The following KCNMA1 variants were observed in gnomAD, a reference collection of about 807,000 sequenced individuals.
KCNMA1 encodes the protein Calcium-activated potassium channel subunit alpha-1.
A neutral mutation model predicts 140.0 loss-of-function variants in KCNMA1; 29 were observed. That is an observed-to-expected ratio of 0.21 (90% CI 0.15 to 0.28). The LOEUF (loss-of-function observed/expected upper bound fraction) is 0.28, where lower values mean the gene tolerates loss of function less well. Among genes scored for constraint, KCNMA1 ranks in the 10% least tolerant of loss-of-function variants. KCNMA1 has a pLI of 1.00. For synonymous variants in KCNMA1, 612 were observed against 611.9 expected, an observed-to-expected ratio of 1.00 and a Z score of 0.00; for missense variants, 880 against 1,602.2, an observed-to-expected ratio of 0.55 and a Z score of 7.70.
intron 5 of KCNMA1, among the ~76,000 whole-genome samples, chr10:77,136,659 G>A (rs534266201): frequency 6.6e-6 from 1 of 151,462 alleles, no homozygotes; most frequent in Non-Finnish European, 1.5e-5. Context: ...AAAACTATAG[G>A]TATGTGTAAA....
chr10:77,218,954 T>C (rs541665843), intron 3 of KCNMA1, among the ~76,000 whole-genome samples: 17 of 152,332 alleles, frequency 1.1e-4, no homozygotes, highest in African/African-American at 3.4e-4. Flanking sequence ...CCCAAAGTGC[T>C]GGGATTACAG....
chr10:76,888,424 C>T (rs2038276898), intron 27 of KCNMA1: 1 of 152,024 alleles, frequency 6.6e-6, no homozygotes. Context: ...TTCTTCCTTC[C>T]AGACCAGTTA....
At chr10:77,401,634 A>T (rs559191959) in intron 2 of KCNMA1, among the ~76,000 whole-genome samples, 4 of 152,312 alleles carry the variant, frequency 2.6e-5, no homozygotes, top group East Asian at 1.9e-4. Flanking sequence ...CACACTTAAA[A>T]GCTCACTGCA....
At chr10:77,027,471 T>C (rs890263307) in intron 16 of KCNMA1, among the ~76,000 whole-genome samples, 1 of 152,200 alleles carries the variant, frequency 6.6e-6, no homozygotes, top group Non-Finnish European at 1.5e-5. Flanking sequence ...AGAGTCCACC[T>C]GCTTTTTTGC....
intron 2 of KCNMA1, among the ~76,000 whole-genome samples, chr10:77,319,847 C>T (rs889049832): frequency 6.6e-6 from 1 of 152,242 alleles, no homozygotes; most frequent in African/African-American, 2.4e-5. Context: ...CACCCTCCTA[C>T]TGGCCTCCTA....
intron 2 of KCNMA1, among the ~76,000 whole-genome samples, chr10:77,306,163 G>C (rs971589668): frequency 6.6e-6 from 1 of 152,234 alleles, no homozygotes; most frequent in Non-Finnish European, 1.5e-5. Context: ...GCAGGCTTCT[G>C]TGCTAGGTCT....
At chr10:76,903,623 A>C (rs1590055839) in intron 25 of KCNMA1, 1 of 152,354 alleles carries the variant, frequency 6.6e-6, no homozygotes, top group East Asian at 1.9e-4. Flanking sequence ...TGAGCAGTTG[A>C]AATGGAGGCT....
intron 1 of KCNMA1, among the ~76,000 whole-genome samples, chr10:77,591,996 A>G (rs1325684245): frequency 2.6e-5 from 4 of 151,508 alleles, no homozygotes; most frequent in African/African-American, 9.8e-5. Flanking sequence ...CTGGGAGTTC[A>G]GTCTCATTCG....
At chr10:77,288,752 T>C (rs1463254759) in intron 2 of KCNMA1, among the ~76,000 whole-genome samples, 1 of 152,240 alleles carries the variant, frequency 6.6e-6, no homozygotes, top group Non-Finnish European at 1.5e-5. Context: ...GCTATCAGTA[T>C]GGCCAATTGA....
At chr10:77,399,898 A>G (rs1332057806) in intron 2 of KCNMA1, among the ~76,000 whole-genome samples, 10 of 152,214 alleles carry the variant, frequency 6.6e-5, no homozygotes, top group Admixed American at 6.5e-4. Context: ...CTGAGGTTGT[A>G]TTGGCAAATT....
At chr10:77,171,827 G>A (rs1024294446) in intron 5 of KCNMA1, among the ~76,000 whole-genome samples, 1 of 152,150 alleles carries the variant, frequency 6.6e-6, no homozygotes, top group Non-Finnish European at 1.5e-5. Context: ...CCTGCTCTAG[G>A]AGAAACATGT....
Position 76,949,197 on chromosome 10 carries a change from T to A in KCNMA1, c.2654A>T (p.Tyr885Phe). ...KHIVFVGSIE[Y>F]LKREWETLHN... is the part of the protein sequence containing the mutation. ...AAGCGTCTCCCATTCCCGCTTGAGG[T>A]ACTCAATAGAGCCCACAAACACAAT... is the stretch of plus-strand genomic sequence containing the variant. The change falls in exon 22 of 28, where the codon TAC becomes TTC. Residue 885 changes from tyrosine (Y) to phenylalanine (F), a missense_variant. Physicochemically the swap from Tyr to Phe is conservative, Grantham distance 22. Coordinates refer to ENST00000286628, the MANE Select transcript of KCNMA1 (RefSeq NM_001161352.2). 1 of 1,614,162 alleles carries A rather than the reference T, an allele frequency of 6.2e-7. No individual in the cohort carries two copies. The highest frequency in any genetic ancestry group is 8.5e-7 in the Non-Finnish European group (1 of 1,180,024).
At chr10:77,381,786 TC>T (rs2095395930) in intron 2 of KCNMA1, among the ~76,000 whole-genome samples, 1 of 152,110 alleles carries the variant, frequency 6.6e-6, no homozygotes, top group Non-Finnish European at 1.5e-5. Context: ...GAGCCCTTCT[TC>T]CCCACAGATA....
intron 5 of KCNMA1, among the ~76,000 whole-genome samples, chr10:77,128,110 T>C (rs925914754): frequency 6.6e-6 from 1 of 152,178 alleles, no homozygotes; most frequent in African/African-American, 2.4e-5. Flanking sequence ...TATTAGTCAT[T>C]TTATTTTCTT....
intron 1 of KCNMA1, among the ~76,000 whole-genome samples, chr10:77,568,317 T>G (rs572180541): frequency 6.6e-6 from 1 of 152,290 alleles, no homozygotes; most frequent in South Asian, 2.1e-4. Context: ...TTGATGAACA[T>G]TGATGCAAAA....
At chr10:77,459,567 A>G (rs888183636) in intron 1 of KCNMA1, among the ~76,000 whole-genome samples, 10 of 152,238 alleles carry the variant, frequency 6.6e-5, no homozygotes, top group African/African-American at 2.4e-4. Context: ...TTGGAGACTG[A>G]GCGTCCCCAT....
chr10:77,521,144 T>A (rs1266298624), intron 1 of KCNMA1, among the ~76,000 whole-genome samples: 2 of 152,288 alleles, frequency 1.3e-5, no homozygotes, highest in East Asian at 3.9e-4. Context: ...GAACAGTGAT[T>A]CCAGCCAAAG....
chr10:77,446,525 G>A (rs760552975), intron 1 of KCNMA1, among the ~76,000 whole-genome samples: 27 of 152,192 alleles, frequency 1.8e-4, no homozygotes, highest in Non-Finnish European at 1.6e-4. Flanking sequence ...CCGGTCAGCC[G>A]CCCTAGAAGT....
intron 5 of KCNMA1, among the ~76,000 whole-genome samples, chr10:77,182,060 A>G (rs1191448682): frequency 1.3e-5 from 2 of 152,168 alleles, no homozygotes; most frequent in African/African-American, 4.8e-5. Context: ...TGGCATCAAA[A>G]TGGATTGCTA....
Sources: gnomAD v4.1 joint callset for allele counts (sites outside exome capture counted in the v4.1 genomes callset) on GRCh38, gnomAD v4.1.1 for gene constraint, MANE v1.5 for transcripts, NCBI Gene and HGNC (gene_info 2026-07-23, HGNC 2026-07-21) for gene names.